Variants in PATJ observed in about 807,000 individuals in gnomAD.
PATJ encodes inaD-like protein.
Under a neutral mutation model 224.9 loss-of-function variants are expected in PATJ, and 190 were observed. That is an observed-to-expected ratio of 0.84 (90% CI 0.75 to 0.95). The LOEUF is 0.95. PATJ is among the 40% of genes least tolerant of loss of function. The probability of loss-of-function intolerance (pLI) is 0.00; values close to 1 mark genes in which losing one functional copy is unlikely to be tolerated. For missense variants in PATJ, 2,121 were observed against 2,270.3 expected (o/e 0.93, Z 1.34); for synonymous variants, 769 against 820.3 (o/e 0.94, Z 1.07).
chr1:62,148,198 T>C, intron 41 of PATJ, 86 bp from the exon 42 acceptor site: 1 of 825,254 alleles, frequency 1.2e-6, no homozygotes, highest in South Asian at 1.4e-5. Flanking sequence ...AAGATTAGGA[T>C]TGAGAACTGA....
At chr1:61,811,674 A>G (rs1654788969) in intron 14 of PATJ, among the ~76,000 whole-genome samples, 1 of 148,970 alleles carries the variant, frequency 6.7e-6, no homozygotes, top group Non-Finnish European at 1.5e-5. Context: ...AAGCCCATCT[A>G]TTAAGTGCTT....
intron 18 of PATJ, among the ~76,000 whole-genome samples, chr1:61,857,204 A>G (rs138881020): frequency 6.6e-6 from 1 of 152,258 alleles, no homozygotes; most frequent in African/African-American, 2.4e-5. Flanking sequence ...ACCACCACCA[A>G]CAACAAAAAC....
At chr1:61,855,859 G>T (rs1231044472) in intron 17 of PATJ, among the ~76,000 whole-genome samples, 171 bp from the exon 18 acceptor site, 1 of 152,136 alleles carries the variant, frequency 6.6e-6, no homozygotes, top group Non-Finnish European at 1.5e-5. Context: ...ACCATACTTG[G>T]CTTAGAGTGA....
intron 13 of PATJ, among the ~76,000 whole-genome samples, chr1:61,806,730 T>C (rs1653643962): frequency 6.6e-6 from 1 of 152,176 alleles, no homozygotes; most frequent in Admixed American, 6.5e-5. Context: ...AGATTTTGAA[T>C]ATGGTTATTA....
chr1:62,098,143 A>G (rs999895970), intron 33 of PATJ, among the ~76,000 whole-genome samples: 5 of 151,846 alleles, frequency 3.3e-5, no homozygotes, highest in Admixed American at 1.3e-4. Flanking sequence ...GTGGATCACG[A>G]GGTCAGGAGA....
intron 14 of PATJ, among the ~76,000 whole-genome samples, chr1:61,815,058 A>C (rs903137694): frequency 6.6e-6 from 1 of 152,190 alleles, no homozygotes; most frequent in Non-Finnish European, 1.5e-5. Flanking sequence ...TTGATAAGAT[A>C]GTTGTAGATT....
intron 30 of PATJ, among the ~76,000 whole-genome samples, chr1:62,049,570 C>G (rs896108048): frequency 6.6e-6 from 1 of 152,066 alleles, no homozygotes; most frequent in Non-Finnish European, 1.5e-5. Flanking sequence ...TGTGGATATT[C>G]CATTTGTCAT....
At chr1:61,828,750 G>A (rs1213238820) in intron 16 of PATJ, among the ~76,000 whole-genome samples, 1 of 152,062 alleles carries the variant, frequency 6.6e-6, no homozygotes, top group Non-Finnish European at 1.5e-5. Flanking sequence ...CATCTTTTAT[G>A]CTACTTTCCC....
chr1:61,930,995 G>T (rs1052023646), intron 27 of PATJ, among the ~76,000 whole-genome samples: 1 of 151,996 alleles, frequency 6.6e-6, no homozygotes, highest in Admixed American at 6.6e-5. Flanking sequence ...GAGCCACCAC[G>T]CCCAGCCTAA....
In PATJ at chr1:62,128,897, G is replaced by C; in HGVS notation, c.5223G>C (p.Ala1741=). 6.2e-7 allele frequency: 1 copy of C among 1,613,492 alleles called. No homozygotes were observed. The highest frequency in any genetic ancestry group is 8.5e-7 in the Non-Finnish European group (1 of 1,179,528). Reference sequence around the variant, plus strand: ...AACCTTTGGATGGGCTGTCTCACGCGGATGTGGTTAATCTGCTGAAGAACG... The same window carrying C: ...AACCTTTGGATGGGCTGTCTCACGCCGATGTGGTTAATCTGCTGAAGAACG... ...NGQPLDGLSH[A]DVVNLLKNAY... Residue 1741 remains alanine (A), a synonymous_variant, in exon 41 of 44, where the codon GCG becomes GCC. Coordinates refer to ENST00000642238, the MANE Select transcript of PATJ (RefSeq NM_001350145.3).
intron 11 of PATJ, among the ~76,000 whole-genome samples, chr1:61,799,246 G>A (rs1273512555): frequency 2.0e-5 from 3 of 152,126 alleles, no homozygotes; most frequent in Non-Finnish European, 2.9e-5. Flanking sequence ...AGACTGGAGT[G>A]CAATGGCGCG....
At chr1:62,140,008 C>T (rs1667341046) in intron 41 of PATJ, among the ~76,000 whole-genome samples, 1 of 152,112 alleles carries the variant, frequency 6.6e-6, no homozygotes, top group South Asian at 2.1e-4. Flanking sequence ...GATCTGCCTG[C>T]CTGGGCCTCC....
intron 9 of PATJ, among the ~76,000 whole-genome samples, chr1:61,792,819 C>T (rs1650177327): frequency 1.3e-5 from 2 of 152,142 alleles, no homozygotes; most frequent in Admixed American, 1.3e-4. Context: ...CATGAGCCAC[C>T]GTGCCTGACC....
chr1:62,147,907 G>A (rs977111896), intron 41 of PATJ, among the ~76,000 whole-genome samples: 1 of 151,700 alleles, frequency 6.6e-6, no homozygotes, highest in Non-Finnish European at 1.5e-5. Flanking sequence ...AGTTTGCAGT[G>A]AGCTGAGATC....
At chr1:62,058,387 A>G (rs1235203305) in intron 31 of PATJ, among the ~76,000 whole-genome samples, 1 of 152,216 alleles carries the variant, frequency 6.6e-6, no homozygotes, top group Non-Finnish European at 1.5e-5. Flanking sequence ...AAAATTAAAC[A>G]TATTTATTAA....
intron 27 of PATJ, among the ~76,000 whole-genome samples, chr1:61,965,821 G>A (rs539435266): frequency 6.6e-6 from 1 of 152,350 alleles, no homozygotes; most frequent in East Asian, 1.9e-4. Context: ...GAGAGTTTGA[G>A]AGAGTGAAAT....
At chr1:61,837,776 T>G (rs1570801265) in intron 17 of PATJ, among the ~76,000 whole-genome samples, 4 of 115,178 alleles carry the variant, frequency 3.5e-5, no homozygotes, top group African/African-American at 6.9e-5. Context: ...GGAGACAGAG[T>G]GAGACTCTGT....
At chr1:61,886,174 T>C (rs1342585032) in intron 22 of PATJ, among the ~76,000 whole-genome samples, 1 of 148,402 alleles carries the variant, frequency 6.7e-6, no homozygotes, top group Non-Finnish European at 1.5e-5. Context: ...ACTTAAAGTA[T>C]AATTAAAAAA....
At chr1:61,880,071 G>A (rs150901321) in intron 21 of PATJ, among the ~76,000 whole-genome samples, 4,575 of 152,142 alleles carry the variant, frequency 0.03, 84 homozygotes, top group Middle Eastern at 0.044. Context: ...TGATCCACCC[G>A]CCTCAGCCTC....
Sources: allele counts gnomAD v4.1 joint callset (sites outside exome capture counted in the v4.1 genomes callset), GRCh38; gene constraint gnomAD v4.1.1; transcripts MANE v1.5; gene names NCBI Gene and HGNC (gene_info 2026-07-23, HGNC 2026-07-21).